The following RSPH6A variants were observed in gnomAD, a reference collection of about 807,000 sequenced individuals.
RSPH6A encodes radial spoke head 6 homolog A, also known as radial spoke head protein 6 homolog A.
Under a neutral mutation model 66.1 loss-of-function variants are expected in RSPH6A, and 49 were observed. The ratio of observed to expected loss-of-function variants is 0.74; its 90% CI spans 0.59 to 0.94. The LOEUF is 0.94. Among genes scored for constraint, RSPH6A ranks in the 40% least tolerant of loss-of-function variants. RSPH6A has a pLI of 0.00. For missense variants in RSPH6A, 977 were observed against 948.3 expected (o/e 1.03, Z -0.40); for synonymous variants, 419 against 402.4 (o/e 1.04, Z -0.49).
At position 45,795,952 on chromosome 19, in the gene RSPH6A, C is replaced by T. The variant is rs1396301427; in HGVS notation, c.2071G>A (p.Ala691Thr). 2 of 1,609,444 alleles carry T rather than the reference C, an allele frequency of 1.2e-6. No homozygotes were observed. Among genetic ancestry groups the T allele is most frequent in the East Asian group, 2.3e-5 (1 of 44,162 alleles). The change falls in exon 6 of 6, where the codon GCA becomes ACA. Residue 691 changes from alanine to threonine, a missense_variant. Transcript: ENST00000221538. ...GCTCCCAGGGCTTGTTCCTGGGCTG[C>T]TTTCAGAGCCTGCTCCTCTTCCACT... ...PTVEEEQALK[A>T]AQEQALGATE... is the part of the protein sequence containing the mutation.
chr19:45,804,591 C>T lies in RSPH6A; in HGVS notation c.1314G>A (p.Trp438Ter), dbSNP rs772916169. The T allele has an allele frequency of 3.1e-6, 5 of 1,614,188 alleles. No individual in the cohort carries two copies. Among genetic ancestry groups the T allele is most frequent in the Non-Finnish European group, 4.2e-6 (5 of 1,180,030 alleles). The change falls in exon 3 of 6, where the codon TGG becomes TGA. Residue 438 changes from tryptophan to a stop codon, truncating the protein, a stop_gained. Transcript: ENST00000221538. LOFTEE classifies it high-confidence loss of function. The surrounding 1 kb of genome is among the most constrained non-coding windows in gnomAD (Gnocchi z 5.8). ...CTGGAGTGACGTGGGGCAGCCGCGTCCATGGCAGGCCCGGCTCGTTGCACA... is the reference window on the plus strand; with the variant it reads ...CTGGAGTGACGTGGGGCAGCCGCGTTCATGGCAGGCCCGGCTCGTTGCACA... ...YFVCNEPGLPWTRLPHVTPAQ... is the reference protein window; with the variant it reads ...YFVCNEPGLP
Position 45,814,768 on chromosome 19 carries a change from T to G in RSPH6A, c.409A>C (p.Thr137Pro), listed in dbSNP as rs757929235. The G allele has an allele frequency of 6.2e-7, 1 of 1,613,620 alleles. No homozygotes were observed. The highest frequency in any genetic ancestry group is 8.5e-7 in the Non-Finnish European group (1 of 1,179,756). ...QSSLFQQLDP[T>P]FQEPPVNPLG... Reference sequence around the variant, plus strand: ...GGGTTGACTGGGGGCTCCTGGAAGGTGGGGTCCAGTTGCTGGAACAGGCTG... The same window carrying G: ...GGGTTGACTGGGGGCTCCTGGAAGGGGGGGTCCAGTTGCTGGAACAGGCTG... The change falls in exon 1 of 6, where the codon ACC becomes CCC. Residue 137 changes from threonine to proline, a missense_variant. Physicochemically the swap from Thr to Pro is conservative, Grantham distance 38. Transcript: ENST00000221538.
chr19:45,810,867 A>T, intron 1 of RSPH6A, 27 bp from the exon 2 acceptor site: 1 of 1,566,680 alleles, frequency 6.4e-7, no homozygotes, highest in East Asian at 2.3e-5. Context: ...GAGTGGGAGG[A>T]GAGGGACCTC....
rs772045903 is a variant in RSPH6A at position 45,810,816 on chromosome 19, C to T, written c.675G>A (p.Leu225=). Residue 225 remains leucine, a synonymous_variant, in exon 2 of 6, where the codon CTG becomes CTA. Coordinates refer to ENST00000221538, the MANE Select transcript of RSPH6A (RefSeq NM_030785.4). ...CAGGCCGCTGGTTCAGGATCTTGGT[C>T]AGCAGATTCACCAGGTGCTCGTACC... is the stretch of plus-strand genomic sequence containing the variant. ...LSLYEHLVNL[L]TKILNQRPED... 2 of 1,610,890 alleles carry T rather than the reference C, an allele frequency of 1.2e-6. No homozygotes were observed. The highest frequency in any genetic ancestry group is 4.5e-5 in the East Asian group (2 of 44,752).
At chr19:45,806,251 G>A (rs1970541606) in intron 2 of RSPH6A, among the ~76,000 whole-genome samples, 1 of 152,012 alleles carries the variant, frequency 6.6e-6, no homozygotes, top group South Asian at 2.1e-4. Context: ...GCCAGAGGAT[G>A]GGTGGGGTGG....
chr19:45,797,805 T>C (rs1600470833), intron 5 of RSPH6A, among the ~76,000 whole-genome samples: 1 of 151,690 alleles, frequency 6.6e-6, no homozygotes, highest in South Asian at 2.1e-4. Flanking sequence ...GAGGTGAAGG[T>C]TGCAGTGAGC....
intron 1 of RSPH6A, among the ~76,000 whole-genome samples, chr19:45,814,189 G>C (rs957504105): frequency 1.6e-4 from 25 of 152,076 alleles, no homozygotes; most frequent in African/African-American, 5.3e-4. Context: ...GGCTTGGGGA[G>C]CCAAATCACG....
Position 45,804,448 on chromosome 19 carries a change from G to A in RSPH6A, c.1457C>T (p.Ala486Val), listed in dbSNP as rs767376694. ...GACCTGCGTGGCGGCCGAGATGCGG[G>A]CTATCTGGGCCCGCAGGTAGTTGGC... ...NEANYLRAQI[A>V]RISAATQVSP... Residue 486 changes from alanine to valine, a missense_variant, in exon 3 of 6, where the codon GCC becomes GTC. By Grantham distance (64) the Ala-to-Val change is moderately conservative (BLOSUM62 0). Transcript: ENST00000221538. This position sits in a 1 kb window ranked among gnomAD's most constrained non-coding sequence, Gnocchi z 5.8. 6.2e-7 allele frequency: 1 copy of A among 1,614,030 alleles called. No homozygotes were observed. Among genetic ancestry groups the A allele is most frequent in the Non-Finnish European group, 8.5e-7 (1 of 1,179,982 alleles).
chr19:45,811,526 C>T (rs115521488), intron 1 of RSPH6A, among the ~76,000 whole-genome samples: 2,546 of 150,728 alleles, frequency 0.017, 70 homozygotes, highest in African/African-American at 0.059. Flanking sequence ...CAGTCTCTGT[C>T]TCCTGGGTTC....
intron 3 of RSPH6A, 107 bp from the exon 4 acceptor site, chr19:45,802,371 C>T (rs937951704): frequency 7.7e-6 from 8 of 1,038,588 alleles, no homozygotes; most frequent in Non-Finnish European, 6.3e-6. Flanking sequence ...CTCAGAGACC[C>T]AGGCACAGGC....
intron 2 of RSPH6A, among the ~76,000 whole-genome samples, chr19:45,808,287 G>A (rs184428800): frequency 2.0e-4 from 30 of 152,316 alleles, no homozygotes; most frequent in Middle Eastern, 3.4e-3. Context: ...AATTAGCCAG[G>A]CGTGGTGGCA....
chr19:45,796,159 A>AAT, intron 5 of RSPH6A, 53 bp from the exon 6 acceptor site: 14 of 1,168,794 alleles, frequency 1.2e-5, no homozygotes, highest in Non-Finnish European at 1.4e-5. Context: ...CCCAGACTTG[A>AAT]CTTTTTTTTT....
At chr19:45,798,552 A>T (rs916256715) in intron 5 of RSPH6A, among the ~76,000 whole-genome samples, 6 of 147,312 alleles carry the variant, frequency 4.1e-5, no homozygotes, top group African/African-American at 1.3e-4. Flanking sequence ...AAAAAAAAAA[A>T]AAAAGGCCAG....
At chr19:45,806,462 G>A (rs183290159) in intron 2 of RSPH6A, among the ~76,000 whole-genome samples, 2 of 152,022 alleles carry the variant, frequency 1.3e-5, no homozygotes, top group East Asian at 1.9e-4. Context: ...CACAAGGTCA[G>A]GAGATCGAGA....
In RSPH6A at chr19:45,814,683, G is replaced by A. The variant is rs1970678900; in HGVS notation, c.494C>T (p.Pro165Leu). The change falls in exon 1 of 6, where the codon CCT becomes CTT. Residue 165 changes from proline to leucine, a missense_variant. Coordinates refer to ENST00000221538, the MANE Select transcript of RSPH6A (RefSeq NM_030785.4). ...AAGGGCAGGGTCATCCCTTATGTAA[G>A]GCCCGTGCTGGGCACCTTCAGAGAA... Reference protein sequence around the residue: ...DQFSEGAQHGPYIRDDPALQF... With the variant: ...DQFSEGAQHGLYIRDDPALQF... 2 of 1,612,044 alleles carry A rather than the reference G, an allele frequency of 1.2e-6. No individual in the cohort carries two copies. The highest frequency in any genetic ancestry group is 1.7e-6 in the Non-Finnish European group (2 of 1,178,998).
chr19:45,801,280 A>G (rs984644332), intron 4 of RSPH6A, among the ~76,000 whole-genome samples: 28 of 152,162 alleles, frequency 1.8e-4, no homozygotes, highest in Non-Finnish European at 7.4e-5. Context: ...CCAGACTGGG[A>G]AGCCACTGTG....
At chr19:45,805,388 A>T (rs527755397) in intron 2 of RSPH6A, among the ~76,000 whole-genome samples, 14 of 150,918 alleles carry the variant, frequency 9.3e-5, no homozygotes, top group African/African-American at 2.9e-4. Flanking sequence ...AAAGTGAGAC[A>T]CGGTCTCAAA....
intron 1 of RSPH6A, 41 bp downstream of exon 1, chr19:45,814,486 G>T: frequency 6.9e-7 from 1 of 1,441,622 alleles, no homozygotes; most frequent in Non-Finnish European, 9.1e-7. Context: ...GCCCCTCCCT[G>T]CCTGGGTCCC....
In RSPH6A at chr19:45,814,958, C is replaced by G. The variant is rs61730712; in HGVS notation, c.219G>C (p.Gln73His). ...LSQQENLLMP[Q>H]VFQAEEARLG... ...GCCGGGCTTCCTCAGCCTGGAAGAC[C>G]TGGGGCATCAGCAAGTTCTCCTGTT... Residue 73 changes from glutamine to histidine, a missense_variant, in exon 1 of 6, where the codon CAG becomes CAC. Physicochemically the swap from Gln to His is conservative, Grantham distance 24. Coordinates refer to ENST00000221538, the MANE Select transcript of RSPH6A (RefSeq NM_030785.4). 4.3e-6 allele frequency: 7 copies of G among 1,613,960 alleles called. No homozygotes were observed. In the African/African-American group the frequency reaches 5.3e-5, roughly 12 times the overall value.
Sources: gnomAD v4.1 joint callset for allele counts (sites outside exome capture counted in the v4.1 genomes callset) on GRCh38, gnomAD v4.1.1 for gene constraint, Gnocchi (gnomAD v3.1) non-coding constraint, MANE v1.5 for transcripts, NCBI Gene and HGNC (gene_info 2026-07-23, HGNC 2026-07-21) for gene names.